CCP110: variants seen among roughly 807,000 people sequenced by gnomAD.
The protein encoded by CCP110 is centriolar coiled-coil protein 110, also known as centriolar coiled-coil protein of 110 kDa.
A neutral mutation model predicts 105.5 loss-of-function variants in CCP110; 43 were observed. That is an observed-to-expected ratio of 0.41 (90% CI 0.32 to 0.53). CCP110 has a LOEUF of 0.53. Among genes scored for constraint, CCP110 ranks in the 20% least tolerant of loss-of-function variants. The probability of loss-of-function intolerance (pLI) is 0.32; values close to 1 mark genes in which losing one functional copy is unlikely to be tolerated. For missense variants in CCP110, 1,016 were observed against 1,189.1 expected (o/e 0.85, Z 2.14); for synonymous variants, 353 against 392.1 (o/e 0.90, Z 1.18).
chr16:19,536,948 A>T lies in CCP110; in HGVS notation c.1279A>T (p.Lys427Ter). The change falls in exon 4 of 15, where the codon AAG becomes TAG. Residue 427 changes from lysine to a stop codon, truncating the protein, a stop_gained. Coordinates refer to ENST00000381396, the Ensembl canonical transcript of CCP110. LOFTEE classifies it high-confidence loss of function. ...CACAAATGTGCCCGAAATTATGCCA[A>T]AGTTACCAACTGATTTAGCGGGAGT... 2 of 1,614,260 alleles carry T rather than the reference A, an allele frequency of 1.2e-6. No individual in the cohort carries two copies. The highest frequency in any genetic ancestry group is 2.2e-5 in the South Asian group (2 of 91,090).
At position 19,532,441 on chromosome 16, in the gene CCP110, T is replaced by C; in HGVS notation, c.167T>C (p.Met56Thr). 6.2e-7 allele frequency: 1 copy of C among 1,602,260 alleles called. No homozygotes were observed. The highest frequency in any genetic ancestry group is 8.5e-7 in the Non-Finnish European group (1 of 1,176,906). Residue 56 changes from methionine to threonine, a missense_variant, in exon 3 of 15, where the codon ATG (methionine) becomes ACG (threonine). Transcript: ENST00000381396. Reference sequence around the variant, plus strand: ...CTTAACATTGAGAAAAGAAAGGAAATGCAACAAGAAAAGCAGAAAGCACTT... The same window carrying C: ...CTTAACATTGAGAAAAGAAAGGAAACGCAACAAGAAAAGCAGAAAGCACTT...
At chr16:19,532,342 T>A in intron 2 of CCP110, 74 bp from the exon 3 acceptor site, 1 of 1,314,838 alleles carries the variant, frequency 7.6e-7, no homozygotes, top group Non-Finnish European at 1.0e-6. Context: ...TTTTTAATCT[T>A]TCTGATTCAC....
intron 6 of CCP110, 68 bp downstream of exon 6, chr16:19,542,132 T>A: frequency 9.8e-7 from 1 of 1,024,808 alleles, no homozygotes; most frequent in Non-Finnish European, 1.4e-6. Flanking sequence ...TTTGGCACAC[T>A]ATAAGATTAT....
At chr16:19,530,865 A>T (rs1274984486) in intron 2 of CCP110, among the ~76,000 whole-genome samples, 1 of 151,822 alleles carries the variant, frequency 6.6e-6, no homozygotes, top group East Asian at 1.9e-4. Flanking sequence ...GAGGCAGGAG[A>T]ATCGCTTGAA....
chr16:19,551,564 T>C (rs1970642147), exon 15 of CCP110: 1 of 250,514 alleles, frequency 4.0e-6, no homozygotes, highest in African/African-American at 2.2e-5. Flanking sequence ...TCAAGGACAT[T>C]TGGATTTACT....
chr16:19,553,259 T>A (rs1251638246), exon 15 of CCP110: 3 of 152,230 alleles, frequency 2.0e-5, no homozygotes, highest in African/African-American at 7.2e-5. Context: ...GTTTGTGCTT[T>A]TGATGGATTT....
exon 4 of CCP110, chr16:19,536,834 C>T (rs1970081455): frequency 6.2e-7 from 1 of 1,613,968 alleles, no homozygotes. Context: ...GTGTCATATA[C>T]TTATAAATAA....
intron 4 of CCP110, among the ~76,000 whole-genome samples, chr16:19,538,152 G>A (rs749884802): frequency 6.6e-6 from 1 of 151,792 alleles, no homozygotes; most frequent in Non-Finnish European, 1.5e-5. Flanking sequence ...TCCACCTCCC[G>A]GTTCAGGCAA....
At chr16:19,547,716 T>A (rs1970509797) in intron 12 of CCP110, 1 of 432,526 alleles carries the variant, frequency 2.3e-6, no homozygotes, top group Non-Finnish European at 4.1e-6. Context: ...CAAGGGTTAG[T>A]CTATATGTTG....
chr16:19,527,989 T>A (rs1310252199), exon 2 of CCP110: 2 of 1,613,324 alleles, frequency 1.2e-6, no homozygotes, highest in East Asian at 4.5e-5. Context: ...TCTCACTTAT[T>A]CGCTTTCATG....
Position 19,548,544 on chromosome 16 carries a change from T to C in CCP110, c.2930T>C (p.Val977Ala). ...CCTAAGACATCAGTGAAGGGGGTTGTGCAAAATAGACAGAAGCCTTCACAG... is the reference window on the plus strand; with the variant it reads ...CCTAAGACATCAGTGAAGGGGGTTGCGCAAAATAGACAGAAGCCTTCACAG... Residue 977 changes from valine (V) to alanine (A), a missense_variant, in exon 14 of 15, where the codon GTG becomes GCG. Val to Ala is a moderately conservative substitution (Grantham distance 64, BLOSUM62 0). Transcript: ENST00000381396. The surrounding 1 kb of genome is among the most constrained non-coding windows in gnomAD (Gnocchi z 4.1). 8 of 1,549,816 alleles carry C rather than the reference T, an allele frequency of 5.2e-6. No individual in the cohort carries two copies. Among genetic ancestry groups the C allele is most frequent in the Non-Finnish European group, 6.1e-6 (7 of 1,146,448 alleles).
At chr16:19,540,822 G>A (rs1970251105) in intron 5 of CCP110, 35 bp downstream of exon 5, 6 of 1,595,736 alleles carry the variant, frequency 3.8e-6, no homozygotes, top group Non-Finnish European at 5.1e-6. Flanking sequence ...ACTGGTAAGT[G>A]AAATTTAGCC....
chr16:19,551,479 A>T, exon 15 of CCP110: 1 of 563,976 alleles, frequency 1.8e-6, no homozygotes. Context: ...TAATTGCATC[A>T]TCTCTGTGCT....
At chr16:19,536,892 T>C in exon 4 of CCP110, 3 of 1,614,158 alleles carry the variant, frequency 1.9e-6, no homozygotes, top group Non-Finnish European at 2.5e-6. Flanking sequence ...GAACAGGCAA[T>C]GGACTTAATT....
rs1335022208 is a variant in CCP110, at chr16:19,546,538, TG to T, written c.2840+67del. The T allele has an allele frequency of 1.9e-5, 18 of 932,428 alleles. No individual in the cohort carries two copies. In the African/African-American group the frequency reaches 2.8e-4, roughly 15 times the overall value. 57.8% of individuals were successfully genotyped at this position (932,428 alleles called of 1,614,324 possible). A position where few individuals can be genotyped will look rare whatever the true frequency, so the allele number is the denominator to read the frequency against. ...TTTTTTATAGAAAAAAAAAATTGGC[TG>T]GGCACGGTGGCTCACGCCTGTAATC... On this transcript the variant is annotated intron_variant, in intron 12 of 14. Transcript: ENST00000381396.
chr16:19,524,118 TG>T (rs1337831350), intron 1 of CCP110, 30 bp downstream of exon 1: 1 of 153,060 alleles, frequency 6.5e-6, no homozygotes, highest in African/African-American at 2.4e-5. Context: ...GCTTGAGCCT[TG>T]ACGGGTCCGG....
At chr16:19,546,045 C>G in intron 11 of CCP110, 155 bp downstream of exon 11, 2 of 559,924 alleles carry the variant, frequency 3.6e-6, no homozygotes, top group Non-Finnish European at 6.3e-6. Context: ...TTATTAAAAT[C>G]AGGTGCTAAA....
chr16:19,527,310 C>G (rs529282078), intron 1 of CCP110: 1 of 151,094 alleles, frequency 6.6e-6, no homozygotes, highest in African/African-American at 2.4e-5. Context: ...TGTGACTGAA[C>G]CTGTGAATAG....
At chr16:19,528,337 T>A (rs1039680759) in intron 2 of CCP110, among the ~76,000 whole-genome samples, 1 of 152,242 alleles carries the variant, frequency 6.6e-6, no homozygotes, top group Non-Finnish European at 1.5e-5. Flanking sequence ...AGTTCCATTT[T>A]TGGGTATATC....
Sources: allele counts gnomAD v4.1 joint callset (sites outside exome capture counted in the v4.1 genomes callset), GRCh38; gene constraint gnomAD v4.1.1; non-coding constraint Gnocchi (gnomAD v3.1); transcripts MANE v1.5; gene names NCBI Gene and HGNC (gene_info 2026-07-23, HGNC 2026-07-21).